Variants in AKR1B15 observed in about 807,000 individuals in gnomAD.
The protein encoded by AKR1B15 is estradiol 17-beta-dehydrogenase AKR1B15.
Under a neutral mutation model 38.5 loss-of-function variants are expected in AKR1B15, and 49 were observed. That is an observed-to-expected ratio of 1.27 (90% confidence interval 1.01 to 1.62). The LOEUF is 1.62. Among genes scored for constraint, AKR1B15 ranks in the 40% most tolerant of loss-of-function variants. The pLI is 0.00. For synonymous variants in AKR1B15, 137 were observed against 135.5 expected (o/e 1.01, Z -0.08); for missense variants, 411 against 381.6 (o/e 1.08, Z -0.64).
At chr7:134,564,449 A>G (rs1681356986) in intron 2 of AKR1B15, 149 bp from the exon 3 acceptor site, 2 of 440,122 alleles carry the variant, frequency 4.5e-6, no homozygotes, top group Admixed American at 8.0e-5. Context: ...GGCTTCTGAA[A>G]TCAGGCAATG....
chr7:134,576,990 A>G lies in AKR1B15; in HGVS notation c.853A>G (p.Asn285Asp). 1.9e-6 allele frequency: 3 copies of G among 1,613,960 alleles called. No homozygotes were observed. Among genetic ancestry groups the G allele is most frequent in the Non-Finnish European group, 2.5e-6 (3 of 1,179,856 alleles). ...QVLIRFHIQR[N>D]VTVIPKSMTP... ...TCTGATCCGTTTCCATATCCAGAGG[A>G]ATGTGACAGTGATCCCCAAGTCTAT... The change falls in exon 10 of 12, where the codon AAT becomes GAT. Residue 285 changes from asparagine to aspartate, a missense_variant. Physicochemically the swap from Asn to Asp is conservative, Grantham distance 23 (BLOSUM62 1). Coordinates refer to ENST00000457545, the MANE Select transcript of AKR1B15 (RefSeq NM_001080538.3).
intron 3 of AKR1B15, chr7:134,565,389 C>A: frequency 5.0e-6 from 8 of 1,592,420 alleles, no homozygotes; most frequent in Non-Finnish European, 6.9e-6. Flanking sequence ...TTGAAGCCAG[C>A]GAGACCACGA....
intron 6 of AKR1B15, 59 bp downstream of exon 6, chr7:134,571,740 T>C: frequency 7.4e-7 from 1 of 1,359,838 alleles, no homozygotes; most frequent in Non-Finnish European, 1.0e-6. Context: ...TCCATGAGAT[T>C]CCCATTGATA....
intron 7 of AKR1B15, 32 bp downstream of exon 7, chr7:134,575,574 C>T: frequency 6.2e-7 from 1 of 1,612,756 alleles, no homozygotes; most frequent in Non-Finnish European, 8.5e-7. Flanking sequence ...GGTAAGGGTC[C>T]TGCCCTATTA....
At chr7:134,560,522 T>C (rs1220179755) in intron 2 of AKR1B15, among the ~76,000 whole-genome samples, 1 of 152,216 alleles carries the variant, frequency 6.6e-6, no homozygotes, top group Non-Finnish European at 1.5e-5. Context: ...AAACAGCTAA[T>C]AGATATACCT....
Position 134,576,365 on chromosome 7 carries a change from C to T in AKR1B15, c.760C>T (p.Pro254Ser), listed in dbSNP as rs779111298. 1 of 1,614,102 alleles carries T rather than the reference C, an allele frequency of 6.2e-7. No individual in the cohort carries two copies. The highest frequency in any genetic ancestry group is 8.5e-7 in the Non-Finnish European group (1 of 1,179,972). Residue 254 changes from proline to serine, a missense_variant, in exon 9 of 12, where the codon CCT (proline) becomes TCT (serine). By Grantham distance (74) the Pro-to-Ser change is moderately conservative. Transcript: ENST00000457545. The stretch of plus-strand genomic sequence containing the variant: ...TGCCCCTAGGGCCAAACCTGAGGAC[C>T]CTTCCCTGCTGGAGGATCCCAAGAT... Reference protein sequence around the residue: ...PDRPWAKPEDPSLLEDPKIKE... With the variant: ...PDRPWAKPEDSSLLEDPKIKE...
intron 1 of AKR1B15, among the ~76,000 whole-genome samples, chr7:134,552,003 GA>G (rs1033940269): frequency 2.1e-4 from 32 of 152,126 alleles, no homozygotes; most frequent in African/African-American, 7.7e-4. Context: ...CACCGGGGTG[GA>G]ACACTCAGTA....
chr7:134,554,859 C>T (rs922577814), intron 1 of AKR1B15, among the ~76,000 whole-genome samples: 4 of 152,326 alleles, frequency 2.6e-5, no homozygotes, highest in South Asian at 2.1e-4. Context: ...GCCTTCACCT[C>T]GTCCATAGCT....
At chr7:134,564,821 C>A in intron 3 of AKR1B15, 52 bp downstream of exon 3, 1 of 580,226 alleles carries the variant, frequency 1.7e-6, no homozygotes, top group South Asian at 2.3e-5. Flanking sequence ...TTGTGGTGTC[C>A]TGTTTAGATG....
In AKR1B15 at chr7:134,571,671, A is replaced by T. The variant is rs567357662; in HGVS notation, c.503A>T (p.Asp168Val). ...ATCAGTGGAAAAGGAACGTTCTTGG[A>T]TGCCTGGGAGGTAGGTTCCAGCTTT... ...NMISGKGTFL[D>V]AWEAMEELVD... Residue 168 changes from aspartate to valine, a missense_variant, in exon 6 of 12, where the codon GAT (aspartate) becomes GTT (valine). Asp to Val is a radical substitution (Grantham distance 152). Transcript: ENST00000457545. 2.5e-6 allele frequency: 4 copies of T among 1,613,570 alleles called. No individual in the cohort carries two copies. In the African/African-American group the frequency reaches 5.3e-5, roughly 22 times the overall value.
chr7:134,569,943 C>A (rs11763002), intron 5 of AKR1B15: 6,608 of 175,262 alleles, frequency 0.038, 157 homozygotes, highest in South Asian at 0.063. Flanking sequence ...AGGATAACAG[C>A]GATGTTCAGG....
intron 1 of AKR1B15, among the ~76,000 whole-genome samples, chr7:134,554,153 G>A (rs1794105175): frequency 6.6e-6 from 1 of 152,066 alleles, no homozygotes; most frequent in Non-Finnish European, 1.5e-5. Flanking sequence ...AAGCTGTTTG[G>A]CTCCCTCAAC....
chr7:134,577,592 T>C, intron 10 of AKR1B15, 112 bp from the exon 11 acceptor site: 1 of 1,239,310 alleles, frequency 8.1e-7, no homozygotes, highest in Non-Finnish European at 1.1e-6. Context: ...AAAACTCCTA[T>C]GGCCAGTTTG....
Position 134,577,786 on chromosome 7 carries a change from A to G in AKR1B15, c.992A>G (p.Glu331Gly). ...AACTGGAGGGCCTTTGACTTCAAGGAGTAAGTGGCATGGAGTTAACTAGAA... is the reference window on the plus strand; with the variant it reads ...AACTGGAGGGCCTTTGACTTCAAGGGGTAAGTGGCATGGAGTTAACTAGAA... ...NRNWRAFDFK[E>G]FSHLEDFPFD... The change falls in exon 11 of 12, where the codon GAA (glutamate) becomes GGA (glycine). Residue 331 changes from glutamate to glycine, a missense_variant and splice_region_variant. Transcript: ENST00000457545. 1 of 1,613,826 alleles carries G rather than the reference A, an allele frequency of 6.2e-7. No homozygotes were observed. Among genetic ancestry groups the G allele is most frequent in the Non-Finnish European group, 8.5e-7 (1 of 1,179,876 alleles).
At position 134,571,610 on chromosome 7, in the gene AKR1B15, G is replaced by A; in HGVS notation, c.442G>A (p.Asp148Asn). The A allele has an allele frequency of 6.2e-7, 1 of 1,613,144 alleles. No individual in the cohort carries two copies. The highest frequency in any genetic ancestry group is 1.7e-4 in the Middle Eastern group (1 of 6,052). ...TTTCATTCTGTATTTACAGACTGGG[G>A]ATGACTTTTTCCCCAAAGATGATAA... Reference protein sequence around the residue: ...IHWPQGFKTGDDFFPKDDKGN... With the variant: ...IHWPQGFKTGNDFFPKDDKGN... Residue 148 changes from aspartate (D) to asparagine (N), a missense_variant, in exon 6 of 12, where the codon GAT becomes AAT. By Grantham distance (23) the Asp-to-Asn change is conservative. Around this residue, in one of 3 missense-constraint regions of AKR1B15, gnomAD observed 254 missense variants for 212.4 expected, o/e 1.20. Transcript: ENST00000457545.
chr7:134,578,598 T>C (rs747575835), intron 11 of AKR1B15, among the ~76,000 whole-genome samples: 1 of 152,266 alleles, frequency 6.6e-6, no homozygotes, highest in Non-Finnish European at 1.5e-5. Context: ...TCTAATTACA[T>C]ATATCAAATA....
intron 2 of AKR1B15, among the ~76,000 whole-genome samples, chr7:134,564,280 A>C (rs1330133613): frequency 1.3e-5 from 2 of 152,188 alleles, no homozygotes; most frequent in African/African-American, 4.8e-5. Flanking sequence ...TACAGTTCTA[A>C]ATAGACTCTT....
At chr7:134,569,101 G>T (rs931710479) in intron 4 of AKR1B15, among the ~76,000 whole-genome samples, 1 of 152,216 alleles carries the variant, frequency 6.6e-6, no homozygotes, top group African/African-American at 2.4e-5. Flanking sequence ...CTCTCAGAGA[G>T]CCCACAGCTG....
intron 1 of AKR1B15, among the ~76,000 whole-genome samples, chr7:134,555,454 G>C (rs1411688621): frequency 6.6e-6 from 1 of 152,116 alleles, no homozygotes; most frequent in Non-Finnish European, 1.5e-5. Flanking sequence ...GGGTCCCCAA[G>C]CCTAGGCCAG....
Sources: allele counts gnomAD v4.1 joint callset (sites outside exome capture counted in the v4.1 genomes callset), GRCh38; gene constraint gnomAD v4.1.1; regional missense constraint gnomAD v4.1.1; transcripts MANE v1.5; gene names NCBI Gene and HGNC (gene_info 2026-07-23, HGNC 2026-07-21).